DRC7: variants seen among roughly 807,000 people sequenced by gnomAD.
DRC7 encodes coiled-coil domain containing 135.
DRC7 carries 80 observed loss-of-function variants against 104.4 expected under a neutral mutation model. That is an observed-to-expected ratio of 0.77 (90% confidence interval 0.64 to 0.92). The LOEUF (loss-of-function observed/expected upper bound fraction) is 0.92, where lower values mean the gene tolerates loss of function less well. Ranked by LOEUF, DRC7 falls within the 40% of genes least tolerant of loss-of-function variation. DRC7 has a pLI of 0.00. For synonymous variants in DRC7, 405 were observed against 447.3 expected (o/e 0.91, Z 1.19); for missense variants, 1,034 against 1,141.1 (o/e 0.91, Z 1.35).
intron 1 of DRC7, among the ~76,000 whole-genome samples, chr16:57,696,087 T>C (rs2048590042): frequency 6.6e-6 from 1 of 152,214 alleles, no homozygotes; most frequent in African/African-American, 2.4e-5. Context: ...TTTCCTCATC[T>C]CTGGACCCCC....
chr16:57,722,236 G>A (rs1217724907), intron 10 of DRC7, among the ~76,000 whole-genome samples: 1 of 152,216 alleles, frequency 6.6e-6, no homozygotes, highest in Non-Finnish European at 1.5e-5. Flanking sequence ...GGAAGTGCCA[G>A]AGAGGCTGTC....
intron 8 of DRC7, chr16:57,714,975 G>A: frequency 3.2e-6 from 1 of 311,102 alleles, no homozygotes; most frequent in Non-Finnish European, 6.3e-6. Flanking sequence ...GGGCAGGACA[G>A]TGACATTTCT....
At chr16:57,713,834 C>T (rs1283833596) in intron 8 of DRC7, 1 of 153,960 alleles carries the variant, frequency 6.5e-6, no homozygotes, top group African/African-American at 2.4e-5. Context: ...ACCATCCTGT[C>T]CCAGCTGCCC....
intron 1 of DRC7, among the ~76,000 whole-genome samples, chr16:57,695,245 C>T (rs2048581661): frequency 6.6e-6 from 1 of 151,676 alleles, no homozygotes; most frequent in African/African-American, 2.4e-5. Flanking sequence ...CCCCCACCCC[C>T]ACCATCCCTT....
intron 16 of DRC7, among the ~76,000 whole-genome samples, chr16:57,727,701 G>A (rs2048988892): frequency 6.6e-6 from 1 of 152,242 alleles, no homozygotes; most frequent in Admixed American, 6.5e-5. Context: ...TCCCACTGAG[G>A]TTGCACCCTG....
At chr16:57,709,689 CAA>C (rs1397163451) in intron 8 of DRC7, among the ~76,000 whole-genome samples, 1 of 152,136 alleles carries the variant, frequency 6.6e-6, no homozygotes, top group East Asian at 1.9e-4. Context: ...CTAAAGTGCA[CAA>C]GTTAGTGGCT....
intron 15 of DRC7, 64 bp downstream of exon 15, chr16:57,727,006 C>T: frequency 3.8e-6 from 4 of 1,046,412 alleles, no homozygotes; most frequent in Non-Finnish European, 5.8e-6. Context: ...GGGTCTCGCT[C>T]TATAACCCAG....
Position 57,723,118 on chromosome 16 carries a change from C to T in DRC7, c.1525C>T (p.Gln509Ter), listed in dbSNP as rs2048923323. The T allele has an allele frequency of 2.5e-6, 4 of 1,613,708 alleles. No individual in the cohort carries two copies. Among genetic ancestry groups the T allele is most frequent in the Non-Finnish European group, 3.4e-6 (4 of 1,179,974 alleles). The change falls in exon 12 of 19, where the codon CAG becomes TAG. Residue 509 changes from glutamine to a stop codon, truncating the protein, a stop_gained. Transcript: ENST00000360716. LOFTEE classifies it high-confidence loss of function. ...KTDYFKPGHP[Q>*]ALRVHSYKSM... ...AGACTACTTCAAGCCTGGCCACCCCCAGGCTCTGCGCGGTGCGTGGCTCCC... is the reference window on the plus strand; with the variant it reads ...AGACTACTTCAAGCCTGGCCACCCCTAGGCTCTGCGCGGTGCGTGGCTCCC...
chr16:57,698,392 A>C (rs1339867746), intron 3 of DRC7, among the ~76,000 whole-genome samples: 3 of 152,096 alleles, frequency 2.0e-5, no homozygotes, highest in Non-Finnish European at 4.4e-5. Context: ...ATCTGTCTAA[A>C]AGTGCAGGTG....
intron 1 of DRC7, among the ~76,000 whole-genome samples, chr16:57,696,164 T>G (rs1235362309): frequency 6.6e-6 from 1 of 152,178 alleles, no homozygotes; most frequent in African/African-American, 2.4e-5. Flanking sequence ...AGGCTGCAGA[T>G]AGTGCATCAG....
rs1178074235 is a variant in DRC7, at chr16:57,706,623, C to T, written c.859-837C>T. 6.1e-4 allele frequency among the ~76,000 whole-genome samples: 64 copies of T among 104,196 alleles called. 1 individual carries two copies. The highest frequency in any genetic ancestry group is 1.9e-3 in the African/African-American group (51 of 27,008). The allele number at this position is 104,196 out of a possible 152,430, so 68.4% of individuals were successfully genotyped here. A position where few individuals can be genotyped will look rare whatever the true frequency, so the allele number is the denominator to read the frequency against. On this transcript the variant is annotated intron_variant, in intron 7 of 18. Transcript: ENST00000360716. ...CCATCCTCCCACCCACCCCCCCATCCGTCCATCCTCCCATCCATTCTCCCA... is the reference window on the plus strand; with the variant it reads ...CCATCCTCCCACCCACCCCCCCATCTGTCCATCCTCCCATCCATTCTCCCA...
intron 16 of DRC7, among the ~76,000 whole-genome samples, 194 bp downstream of exon 16, chr16:57,727,603 GT>G (rs1162272943): frequency 6.6e-6 from 1 of 152,202 alleles, no homozygotes; most frequent in Non-Finnish European, 1.5e-5. Context: ...TTTGGGCAAG[GT>G]TTCCCCCCAT....
At chr16:57,714,790 A>G in intron 8 of DRC7, 1 of 416,442 alleles carries the variant, frequency 2.4e-6, no homozygotes, top group South Asian at 1.9e-5. Flanking sequence ...GGCTGTCAAC[A>G]GCCATGGGCT....
chr16:57,698,173 G>C (rs368240294), intron 3 of DRC7, 21 bp downstream of exon 3: 373 of 1,613,650 alleles, frequency 2.3e-4, no homozygotes, highest in Non-Finnish European at 3.0e-4. Context: ...CAGGGTGGGG[G>C]CCCTGGCAAG....
chr16:57,707,644 G>A lies in DRC7; in HGVS notation c.1043G>A (p.Trp348Ter). The change falls in exon 8 of 19, where the codon TGG becomes TAG. Residue 348 changes from tryptophan to a stop codon, truncating the protein, a stop_gained. Transcript: ENST00000360716. LOFTEE classifies it high-confidence loss of function. ...AGCCTGTGGAACCACAAGAACTACTGGATCAACATGCAGGATTGCTGGAAC... is the reference window on the plus strand; with the variant it reads ...AGCCTGTGGAACCACAAGAACTACTAGATCAACATGCAGGATTGCTGGAAC... ...IESLWNHKNY[W>*]INMQDCWNCC... 1 of 1,613,472 alleles carries A rather than the reference G, an allele frequency of 6.2e-7. No homozygotes were observed.
chr16:57,704,529 G>A (rs2048692166), intron 6 of DRC7, among the ~76,000 whole-genome samples: 1 of 152,210 alleles, frequency 6.6e-6, no homozygotes, highest in South Asian at 2.1e-4. Context: ...CCCAGGTCAT[G>A]GCTAGGATGG....
At chr16:57,705,167 A>T (rs1350710285) in intron 7 of DRC7, 133 bp downstream of exon 7, 32 of 1,029,292 alleles carry the variant, frequency 3.1e-5, no homozygotes, top group Non-Finnish European at 4.1e-5. Context: ...AATCACCCCC[A>T]ACCTCTACCT....
chr16:57,715,833 C>T (rs967365483), intron 8 of DRC7, among the ~76,000 whole-genome samples: 1 of 152,186 alleles, frequency 6.6e-6, no homozygotes, highest in South Asian at 2.1e-4. Flanking sequence ...AGCCCCTCTT[C>T]CAGCCTGAAT....
intron 7 of DRC7, among the ~76,000 whole-genome samples, chr16:57,706,651 C>CT (rs1437091939): frequency 3.6e-4 from 29 of 79,834 alleles, no homozygotes; most frequent in South Asian, 5.4e-4. Context: ...TTCTCCCATC[C>CT]ATCCTCTCAC....
Sources: allele counts gnomAD v4.1 joint callset (sites outside exome capture counted in the v4.1 genomes callset), GRCh38; gene constraint gnomAD v4.1.1; transcripts MANE v1.5; gene names NCBI Gene and HGNC (gene_info 2026-07-23, HGNC 2026-07-21).